Variants in LRP1B observed in about 807,000 individuals in gnomAD.
LRP1B encodes the protein LDL receptor related protein 1B, also known as low-density lipoprotein receptor-related protein 1B.
In LRP1B, 217 loss-of-function variants were observed where a neutral mutation model predicts 556.6. That is an observed-to-expected ratio of 0.39 (90% CI 0.35 to 0.44). The LOEUF (loss-of-function observed/expected upper bound fraction) is 0.44. LRP1B is among the 20% of genes least tolerant of loss of function. The pLI is 1.00. For missense variants in LRP1B, 5,053 were observed against 5,620.8 expected, an observed-to-expected ratio of 0.90 and a Z score of 3.23; for synonymous variants, 2,047 against 1,865.8, an observed-to-expected ratio of 1.10 and a Z score of -2.50.
At chr2:140,432,600 C>G (rs117457812) in intron 66 of LRP1B, among the ~76,000 whole-genome samples, 1 of 152,184 alleles carries the variant, frequency 6.6e-6, no homozygotes, top group Non-Finnish European at 1.5e-5. Context: ...TTGTCCCTAA[C>G]GATCTGCTTC....
chr2:141,045,164 G>T (rs374769976), intron 11 of LRP1B, among the ~76,000 whole-genome samples: 5 of 123,992 alleles, frequency 4.0e-5, no homozygotes, highest in African/African-American at 5.8e-5. Context: ...GTAAACTATC[G>T]CAAGAACAAA....
At chr2:141,112,593 T>A (rs1190259522) in intron 7 of LRP1B, among the ~76,000 whole-genome samples, 1 of 152,212 alleles carries the variant, frequency 6.6e-6, no homozygotes. Flanking sequence ...TGTCAATATT[T>A]AAACAATTTA....
chr2:141,090,421 T>C (rs1700146333), intron 7 of LRP1B, among the ~76,000 whole-genome samples: 1 of 152,226 alleles, frequency 6.6e-6, no homozygotes, highest in Admixed American at 6.5e-5. Flanking sequence ...TTATAAAACC[T>C]ACAGGCAATG....
At chr2:141,525,263 T>C (rs1028944605) in intron 2 of LRP1B, among the ~76,000 whole-genome samples, 1 of 152,000 alleles carries the variant, frequency 6.6e-6, no homozygotes, top group African/African-American at 2.4e-5. Flanking sequence ...GGAGAGAAGA[T>C]AGAGGATTTG....
chr2:140,629,467 A>G (rs1158206547), intron 41 of LRP1B, among the ~76,000 whole-genome samples: 1 of 151,824 alleles, frequency 6.6e-6, no homozygotes, highest in Non-Finnish European at 1.5e-5. Context: ...ACAGTATACC[A>G]GTATAAAAAC....
intron 31 of LRP1B, among the ~76,000 whole-genome samples, chr2:140,839,269 T>C (rs1692020804): frequency 6.6e-6 from 1 of 152,192 alleles, no homozygotes; most frequent in Non-Finnish European, 1.5e-5. Flanking sequence ...AATCTTCCTA[T>C]TCAGATAAAG....
chr2:142,046,326 C>G (rs879454050), intron 1 of LRP1B, among the ~76,000 whole-genome samples: 1 of 151,884 alleles, frequency 6.6e-6, no homozygotes, highest in Non-Finnish European at 1.5e-5. Flanking sequence ...CCAGTTCCAG[C>G]ATTTGGAGCA....
At chr2:141,622,181 G>A (rs539370375) in intron 2 of LRP1B, among the ~76,000 whole-genome samples, 8 of 152,160 alleles carry the variant, frequency 5.3e-5, no homozygotes, top group East Asian at 1.9e-4. Context: ...GTGAGCCACC[G>A]CGCCTGGCTC....
intron 1 of LRP1B, among the ~76,000 whole-genome samples, chr2:141,894,436 C>T (rs1303980424): frequency 1.3e-5 from 2 of 151,894 alleles, no homozygotes; most frequent in African/African-American, 4.8e-5. Context: ...ACTAAGACAC[C>T]TTGCAGGGCT....
At chr2:141,401,880 C>T (rs1427297176) in intron 3 of LRP1B, among the ~76,000 whole-genome samples, 2 of 152,088 alleles carry the variant, frequency 1.3e-5, no homozygotes, top group Non-Finnish European at 2.9e-5. Context: ...ATTCTAGATC[C>T]TATAGTGAGC....
At chr2:141,150,819 G>A (rs1701902414) in intron 7 of LRP1B, among the ~76,000 whole-genome samples, 2 of 148,232 alleles carry the variant, frequency 1.3e-5, no homozygotes, top group African/African-American at 4.9e-5. Context: ...CACACATTAT[G>A]TAAATAACTT....
chr2:141,844,664 A>G (rs1431669336), intron 1 of LRP1B, among the ~76,000 whole-genome samples: 1 of 152,052 alleles, frequency 6.6e-6, no homozygotes, highest in South Asian at 2.1e-4. Flanking sequence ...ACTCACATCC[A>G]CTGAAACCTC....
chr2:141,772,181 A>G (rs956268929), intron 2 of LRP1B, among the ~76,000 whole-genome samples: 19 of 152,228 alleles, frequency 1.2e-4, no homozygotes, highest in African/African-American at 4.6e-4. Context: ...CTTTCACTCA[A>G]CACTGAATCT....
chr2:140,598,896 T>C (rs973602414), intron 42 of LRP1B, 61 bp from the exon 43 acceptor site: 23 of 1,108,894 alleles, frequency 2.1e-5, no homozygotes, highest in Non-Finnish European at 2.8e-5. Context: ...AAAATACTAA[T>C]AGAAACATGG....
chr2:141,943,787 C>G (rs1700882424), intron 1 of LRP1B, among the ~76,000 whole-genome samples: 1 of 152,146 alleles, frequency 6.6e-6, no homozygotes. Context: ...TTATCTCCAT[C>G]TTCCTGTCCC....
At chr2:141,880,584 CTAT>C (rs1226203055) in intron 1 of LRP1B, among the ~76,000 whole-genome samples, 2 of 151,568 alleles carry the variant, frequency 1.3e-5, no homozygotes, top group Non-Finnish European at 2.9e-5. Flanking sequence ...TTTTTGGTGC[CTAT>C]TCAATATAGA....
rs868095087 is a variant in LRP1B at position 142,026,166 on chromosome 2, C to T, written c.82+104482G>A. Among the ~76,000 whole-genome samples the T allele has an allele frequency of 3.3e-5, 5 of 152,224 alleles. No homozygotes were observed. In the South Asian group the frequency reaches 1.0e-3, roughly 32 times the overall value. On this transcript the variant is annotated intron_variant, in intron 1 of 90. Transcript: ENST00000389484. Reference sequence around the variant, plus strand: ...CTTTTTGGAAACTGTCAAGGCACTGCCACCTTTAAAACATGGCAACAGCTG... The same window carrying T: ...CTTTTTGGAAACTGTCAAGGCACTGTCACCTTTAAAACATGGCAACAGCTG...
chr2:140,311,267 G>A (rs1281834207), intron 83 of LRP1B, among the ~76,000 whole-genome samples: 1 of 151,798 alleles, frequency 6.6e-6, no homozygotes, highest in Admixed American at 6.6e-5. Context: ...GGAAAAATAT[G>A]CAGTCAACCT....
intron 41 of LRP1B, among the ~76,000 whole-genome samples, chr2:140,685,079 T>A (rs1686002552): frequency 6.6e-6 from 1 of 152,184 alleles, no homozygotes; most frequent in Non-Finnish European, 1.5e-5. Flanking sequence ...CAAAAAACAC[T>A]GTGAGATGAG....
Sources: allele counts gnomAD v4.1 joint callset (sites outside exome capture counted in the v4.1 genomes callset), GRCh38; gene constraint gnomAD v4.1.1; transcripts MANE v1.5; gene names NCBI Gene and HGNC (gene_info 2026-07-23, HGNC 2026-07-21).